The following ASIC2 variants were observed in gnomAD, a reference collection of about 807,000 sequenced individuals.
ASIC2 encodes acid sensing ion channel subunit 2.
In ASIC2, 25 loss-of-function variants were observed where a neutral mutation model predicts 57.3. The ratio of observed to expected loss-of-function variants is 0.44; its 90% CI spans 0.32 to 0.61. The LOEUF (loss-of-function observed/expected upper bound fraction) is 0.61. Among genes scored for constraint, ASIC2 ranks in the 20% least tolerant of loss-of-function variants. The pLI is 0.06. For synonymous variants in ASIC2, 319 were observed against 307.5 expected (o/e 1.04, Z -0.39); for missense variants, 641 against 738.1 (o/e 0.87, Z 1.52).
At chr17:33,386,039 A>T (rs547913893) in intron 1 of ASIC2, among the ~76,000 whole-genome samples, 1 of 152,186 alleles carries the variant, frequency 6.6e-6, no homozygotes, top group Non-Finnish European at 1.5e-5. Context: ...CGTGATATTT[A>T]CTTATCTAAC....
chr17:33,818,429 G>A (rs1421145644), intron 1 of ASIC2, among the ~76,000 whole-genome samples: 1 of 152,120 alleles, frequency 6.6e-6, no homozygotes, highest in East Asian at 1.9e-4. Context: ...AAGATCCATG[G>A]TTCAGAAGCC....
At chr17:33,337,798 A>G (rs559278041) in intron 1 of ASIC2, among the ~76,000 whole-genome samples, 1 of 145,386 alleles carries the variant, frequency 6.9e-6, no homozygotes, top group Non-Finnish European at 1.5e-5. Context: ...GGCAAAGAAA[A>G]TGTAAGTGTT....
At chr17:33,967,527 G>A (rs774692962) in intron 1 of ASIC2, among the ~76,000 whole-genome samples, 1 of 152,114 alleles carries the variant, frequency 6.6e-6, no homozygotes, top group Non-Finnish European at 1.5e-5. Context: ...AAGCCATCAC[G>A]CCTGGCCTGA....
chr17:33,461,749 A>C (rs558949559), intron 1 of ASIC2, among the ~76,000 whole-genome samples: 1 of 152,196 alleles, frequency 6.6e-6, no homozygotes, highest in East Asian at 1.9e-4. Context: ...GCCATTCTCT[A>C]CCCCTTCCAC....
At chr17:34,028,279 C>G (rs1907453499) in intron 1 of ASIC2, among the ~76,000 whole-genome samples, 1 of 152,144 alleles carries the variant, frequency 6.6e-6, no homozygotes, top group South Asian at 2.1e-4. Context: ...GGACCCCAGT[C>G]CTGCTCATTA....
chr17:33,824,378 G>A (rs1912842837), intron 1 of ASIC2, among the ~76,000 whole-genome samples: 1 of 151,794 alleles, frequency 6.6e-6, no homozygotes, highest in South Asian at 2.1e-4. Context: ...AGGTGTCTGT[G>A]TATATATGTA....
intron 1 of ASIC2, among the ~76,000 whole-genome samples, chr17:33,972,867 A>C (rs1018735584): frequency 1.3e-5 from 2 of 152,234 alleles, no homozygotes; most frequent in East Asian, 3.9e-4. Context: ...ACTGGAGAAA[A>C]GGAGACTGCA....
At position 33,291,873 on chromosome 17, in the gene ASIC2, G is replaced by A; in HGVS notation, c.243C>T (p.Gly81=). 1.9e-6 allele frequency: 3 copies of A among 1,607,102 alleles called. No homozygotes were observed. The change falls in exon 1 of 10, where the codon GGC becomes GGT. Residue 81 remains glycine (G), a synonymous_variant. Transcript: ENST00000225823. ...HMCAGRTAAG[G]SFQRRALWVL... is the part of the protein sequence containing the mutation. ...CCCACAGCGCCCGCCGCTGGAAGGA[G>A]CCCCCAGCCGCCGTGCGCCCGGCAC...
intron 1 of ASIC2, among the ~76,000 whole-genome samples, chr17:33,560,987 A>G (rs973834222): frequency 1.3e-5 from 2 of 152,116 alleles, no homozygotes; most frequent in Non-Finnish European, 1.5e-5. Flanking sequence ...GTTTTTTTGT[A>G]TGCAGTAGTA....
At chr17:33,190,451 T>A (rs1252551125) in intron 1 of ASIC2, among the ~76,000 whole-genome samples, 1 of 152,120 alleles carries the variant, frequency 6.6e-6, no homozygotes, top group Non-Finnish European at 1.5e-5. Context: ...TATTGTTACA[T>A]CAATTCTTAC....
chr17:34,088,935 C>A (rs1337315732), intron 1 of ASIC2, among the ~76,000 whole-genome samples: 1 of 152,204 alleles, frequency 6.6e-6, no homozygotes, highest in Non-Finnish European at 1.5e-5. Flanking sequence ...CAGGTGCCGT[C>A]TGTCACCCCT....
rs960773915 is a variant in ASIC2, at chr17:33,101,684, C to T, written c.859+10233G>A. The stretch of plus-strand genomic sequence containing the variant: ...TAGGCTTCTTAGATGATGTGTTCCA[C>T]GATGCTGCCTTTCCTTTCACCCTCC... On this transcript the variant is annotated intron_variant, in intron 2 of 9. Coordinates refer to ENST00000225823, the MANE Select transcript of ASIC2 (RefSeq NM_183377.2). Among the ~76,000 whole-genome samples, 35 of 152,298 alleles carry T rather than the reference C, an allele frequency of 2.3e-4. 1 individual carries two copies. Among genetic ancestry groups the T allele is most frequent in the Middle Eastern group, 3.4e-3 (1 of 294 alleles).
At position 33,137,655 on chromosome 17, in the gene ASIC2, G is replaced by C. The variant is rs148834454; in HGVS notation, c.709-25588C>G. Among the ~76,000 whole-genome samples, 89 of 152,238 alleles carry C rather than the reference G, an allele frequency of 5.8e-4. 1 individual carries two copies. In the East Asian group the frequency reaches 0.016, roughly 27 times the overall value. On this transcript the variant is annotated intron_variant, in intron 1 of 9. Coordinates refer to ENST00000225823, the MANE Select transcript of ASIC2 (RefSeq NM_183377.2). ...GGAGTGTTGCCATCCCAGGAGTTTTGGCCTGCTCAGTGCTTACACCCAGAG... is the reference window on the plus strand; with the variant it reads ...GGAGTGTTGCCATCCCAGGAGTTTTCGCCTGCTCAGTGCTTACACCCAGAG...
At chr17:33,244,935 T>C (rs1270356494) in intron 1 of ASIC2, among the ~76,000 whole-genome samples, 2 of 152,196 alleles carry the variant, frequency 1.3e-5, no homozygotes, top group Non-Finnish European at 2.9e-5. Context: ...CACTGTGTGA[T>C]CTTGGGTAAG....
At chr17:33,428,462 C>T (rs940503027) in intron 1 of ASIC2, among the ~76,000 whole-genome samples, 5 of 152,176 alleles carry the variant, frequency 3.3e-5, no homozygotes, top group Admixed American at 6.5e-5. Flanking sequence ...TTGGTTTACG[C>T]TGTGAGTTCT....
At chr17:34,035,049 C>T (rs1006699549) in intron 1 of ASIC2, among the ~76,000 whole-genome samples, 3 of 150,698 alleles carry the variant, frequency 2.0e-5, no homozygotes, top group Non-Finnish European at 2.9e-5. Flanking sequence ...GAGCCTGCAT[C>T]GCCAAGTCAA....
intron 1 of ASIC2, among the ~76,000 whole-genome samples, chr17:33,547,637 A>G (rs1052946572): frequency 3.3e-5 from 5 of 152,030 alleles, no homozygotes; most frequent in Non-Finnish European, 5.9e-5. Context: ...GTGACCTCCA[A>G]CCCACTGGAC....
intron 1 of ASIC2, among the ~76,000 whole-genome samples, chr17:33,242,710 C>T (rs1212426856): frequency 2.0e-5 from 3 of 152,162 alleles, no homozygotes; most frequent in African/African-American, 4.8e-5. Context: ...TGTATAATCG[C>T]CTCCATAAAA....
chr17:34,000,831 A>G (rs960291975), intron 1 of ASIC2: 4 of 151,898 alleles, frequency 2.6e-5, no homozygotes, highest in Non-Finnish European at 5.9e-5. Flanking sequence ...AACTCACTAA[A>G]TCTGCTTGAT....
Sources: allele counts gnomAD v4.1 joint callset (sites outside exome capture counted in the v4.1 genomes callset), GRCh38; gene constraint gnomAD v4.1.1; transcripts MANE v1.5; gene names NCBI Gene and HGNC (gene_info 2026-07-23, HGNC 2026-07-21).